Variants in TDRD12 observed in about 807,000 individuals in gnomAD.
TDRD12 encodes putative ATP-dependent RNA helicase TDRD12.
A neutral mutation model predicts 133.5 loss-of-function variants in TDRD12; 158 were observed. The observed-to-expected ratio is 1.18, with a 90% CI of 1.04 to 1.35. The LOEUF (loss-of-function observed/expected upper bound fraction) is 1.35. TDRD12 is among the 40% of genes most tolerant of loss of function. The pLI is 0.00. For synonymous variants in TDRD12, 460 were observed against 477.9 expected (o/e 0.96, Z 0.49); for missense variants, 1,443 against 1,321.3 (o/e 1.09, Z -1.43).
intron 6 of TDRD12, among the ~76,000 whole-genome samples, chr19:32,750,610 A>G (rs1470252765): frequency 6.6e-6 from 1 of 152,156 alleles, no homozygotes; most frequent in Non-Finnish European, 1.5e-5. Context: ...AGGCAGGTGA[A>G]TGTTGACAGT....
intron 21 of TDRD12, among the ~76,000 whole-genome samples, chr19:32,805,536 T>C (rs1169026711): frequency 6.6e-6 from 1 of 151,990 alleles, no homozygotes; most frequent in Non-Finnish European, 1.5e-5. Context: ...ATGAGCCAGG[T>C]GATGGTATTT....
At chr19:32,749,984 A>ATC (rs1328921896) in intron 6 of TDRD12, 115 bp downstream of exon 6, 3 of 769,590 alleles carry the variant, frequency 3.9e-6, no homozygotes, top group Non-Finnish European at 6.1e-6. Context: ...AATTGTCTTA[A>ATC]TCTCTTAAGG....
chr19:32,826,614 C>T lies in TDRD12; in HGVS notation c.1049+16C>T, dbSNP rs919140199. On this transcript the variant is annotated intron_variant, in intron 9 of 9. Transcript: ENST00000637289. ...CAGACAGAGGGTGAGTTGGGATGCA[C>T]TCAGCGGGTGGTCTTTACCCTGCGT... 1.8e-5 allele frequency: 22 copies of T among 1,236,294 alleles called. No individual in the cohort carries two copies. Among genetic ancestry groups the T allele is most frequent in the Non-Finnish European group, 2.2e-5 (22 of 990,606 alleles). 76.6% of individuals were successfully genotyped at this position (1,236,294 alleles called of 1,614,324 possible).
At chr19:32,728,497 T>G (rs1968927705) in intron 1 of TDRD12, among the ~76,000 whole-genome samples, 1 of 152,186 alleles carries the variant, frequency 6.6e-6, no homozygotes, top group Non-Finnish European at 1.5e-5. Flanking sequence ...TAAGGTTCTC[T>G]GTGTAGACAA....
In TDRD12 at chr19:32,754,834, C is replaced by T. The variant is rs147198514; in HGVS notation, c.583-1158C>T. Among the ~76,000 whole-genome samples, 489 of 152,156 alleles carry T rather than the reference C, an allele frequency of 3.2e-3. 4 individuals are homozygous for T. The highest frequency in any genetic ancestry group is 4.1e-3 in the Non-Finnish European group (281 of 68,022). On this transcript the variant is annotated intron_variant, in intron 6 of 27. Coordinates refer to ENST00000444215, the Ensembl canonical transcript of TDRD12. The stretch of plus-strand genomic sequence containing the variant: ...CTGGGATTATAGGCATGCGCCACCA[C>T]GCCGGGCTAATTTTGTATTTTTAGT...
At chr19:32,798,749 C>G (rs1971301535) in intron 16 of TDRD12, among the ~76,000 whole-genome samples, 1 of 152,286 alleles carries the variant, frequency 6.6e-6, no homozygotes, top group Admixed American at 6.5e-5. Flanking sequence ...AAAAACCCAG[C>G]CTGCACAGCC....
chr19:32,723,329 C>T (rs1184228561), intron 1 of TDRD12, among the ~76,000 whole-genome samples: 1 of 151,790 alleles, frequency 6.6e-6, no homozygotes, highest in Non-Finnish European at 1.5e-5. Flanking sequence ...CGGCACAGTG[C>T]AAGCTCTGCC....
At chr19:32,795,380 G>GT (rs1971196526) in intron 14 of TDRD12, among the ~76,000 whole-genome samples, 1 of 151,534 alleles carries the variant, frequency 6.6e-6, no homozygotes, top group South Asian at 2.1e-4. Context: ...TGGATATCGA[G>GT]TGTGTAAAAT....
intron 3 of TDRD12, among the ~76,000 whole-genome samples, chr19:32,740,176 G>T: frequency 7.6e-6 from 1 of 132,148 alleles, no homozygotes; most frequent in African/African-American, 3.0e-5. Context: ...GCATCTCCTG[G>T]GTGCTGTCTG....
At chr19:32,807,267 T>TAAAAAAAAAAAAAAAAAAAAAAAATAAAA (rs1971578018) in intron 21 of TDRD12, among the ~76,000 whole-genome samples, 1 of 47,208 alleles carries the variant, frequency 2.1e-5, no homozygotes, top group African/African-American at 1.3e-4. Context: ...ACCAAACTCT[T>TAAAAAAAAAAAAAAAAAAAAAAAATAAAA]AAAAAAAAAA....
At position 32,748,544 on chromosome 19, in the gene TDRD12, C is replaced by A. The variant is rs4805805; in HGVS notation, c.496+13C>A. On this transcript the variant is annotated intron_variant, in intron 5 of 27. Transcript: ENST00000444215. ...AACCTTCTGAAAGGTAAGCCAGTGC[C>A]TGATCACTGCAGCCTGCCTGGAAGT... 9.7e-6 allele frequency: 15 copies of A among 1,549,672 alleles called. No individual in the cohort carries two copies. The highest frequency in any genetic ancestry group is 2.4e-5 in the East Asian group (1 of 40,858).
At chr19:32,797,991 A>C in intron 15 of TDRD12, 100 bp downstream of exon 15, 1 of 598,596 alleles carries the variant, frequency 1.7e-6, no homozygotes, top group Non-Finnish European at 3.0e-6. Context: ...GTCCACAGTG[A>C]CATGGCTTGT....
At chr19:32,758,452 C>T (rs757697145) in intron 8 of TDRD12, among the ~76,000 whole-genome samples, 16 of 152,078 alleles carry the variant, frequency 1.1e-4, no homozygotes, top group Non-Finnish European at 1.2e-4. Context: ...AAATGCCAAA[C>T]GGAAAGACAG....
At chr19:32,760,126 T>G (rs1970110329) in intron 8 of TDRD12, among the ~76,000 whole-genome samples, 1 of 152,268 alleles carries the variant, frequency 6.6e-6, no homozygotes, top group Admixed American at 6.5e-5. Flanking sequence ...ATTGCGTGGC[T>G]TTCCATTGCT....
chr19:32,806,370 T>C (rs1473160119), intron 21 of TDRD12, among the ~76,000 whole-genome samples: 1 of 147,686 alleles, frequency 6.8e-6, no homozygotes, highest in East Asian at 2.1e-4. Flanking sequence ...ACAGTCTCTG[T>C]CTGGCTCTGT....
chr19:32,815,216 A>G (rs558047305), intron 25 of TDRD12, among the ~76,000 whole-genome samples: 2 of 152,036 alleles, frequency 1.3e-5, no homozygotes, highest in African/African-American at 2.4e-5. Context: ...CCACCCCCCC[A>G]CCACCTGCCC....
chr19:32,721,844 AC>A lies in TDRD12; in HGVS notation c.24+1749del, dbSNP rs373418204. Among the ~76,000 whole-genome samples, 470 of 150,986 alleles carry A rather than the reference AC, an allele frequency of 3.1e-3. 3 individuals carry two copies. The highest frequency in any genetic ancestry group is 0.011 in the African/African-American group (432 of 41,136). Reference sequence around the variant, plus strand: ...TGCCTCAGCCTCCCAAGTAGCTGGGACTACAGGCGGCCACCACCACGCCTGG... The same window carrying A: ...TGCCTCAGCCTCCCAAGTAGCTGGGATACAGGCGGCCACCACCACGCCTGG... On this transcript the variant is annotated intron_variant, in intron 1 of 27. Coordinates refer to ENST00000444215, the Ensembl canonical transcript of TDRD12.
In TDRD12 at chr19:32,767,556, G is replaced by A. The variant is rs971174424; in HGVS notation, c.866-5197G>A. Reference sequence around the variant, plus strand: ...TTGAATTTTCTAACATGTCATAAGCGTGCAGGCAGGTCATCAGAGTCTGTG... The same window carrying A: ...TTGAATTTTCTAACATGTCATAAGCATGCAGGCAGGTCATCAGAGTCTGTG... On this transcript the variant is annotated intron_variant, in intron 8 of 27. Transcript: ENST00000444215. 7.2e-5 allele frequency among the ~76,000 whole-genome samples: 11 copies of A among 152,268 alleles called. No homozygotes were observed. The South Asian group carries it at 8.3e-4, about 11-fold the overall frequency.
At chr19:32,767,808 T>G (rs1970340606) in intron 8 of TDRD12, among the ~76,000 whole-genome samples, 1 of 152,200 alleles carries the variant, frequency 6.6e-6, no homozygotes, top group South Asian at 2.1e-4. Flanking sequence ...GAGGTTGTCC[T>G]CCTTTTGGAT....
Sources: gnomAD v4.1 joint callset for allele counts (sites outside exome capture counted in the v4.1 genomes callset) on GRCh38, gnomAD v4.1.1 for gene constraint, MANE v1.5 for transcripts, NCBI Gene and HGNC (gene_info 2026-07-23, HGNC 2026-07-21) for gene names.